CYP7B1: variants seen among roughly 807,000 people sequenced by gnomAD.
CYP7B1 encodes cytochrome P450 7B1.
Under a neutral mutation model 42.7 loss-of-function variants are expected in CYP7B1, and 29 were observed. The observed-to-expected ratio is 0.68, with a 90% confidence interval of 0.51 to 0.93. The LOEUF (loss-of-function observed/expected upper bound fraction) is 0.93. Ranked by LOEUF, CYP7B1 falls within the 40% of genes least tolerant of loss-of-function variation. The probability of loss-of-function intolerance (pLI) is 0.00; values close to 1 mark genes in which losing one functional copy is unlikely to be tolerated. For synonymous variants in CYP7B1, 235 were observed against 218.2 expected, an observed-to-expected ratio of 1.08 and a Z score of -0.68; for missense variants, 655 against 600.5, an observed-to-expected ratio of 1.09 and a Z score of -0.95.
chr8:64,599,434 G>A (rs567746837), intron 5 of CYP7B1, among the ~76,000 whole-genome samples: 5 of 152,186 alleles, frequency 3.3e-5, no homozygotes, highest in Admixed American at 6.5e-5. Flanking sequence ...GTGATCCGCC[G>A]GCCTCGGCCT....
chr8:64,633,944 C>T (rs1038483199), intron 1 of CYP7B1, among the ~76,000 whole-genome samples: 3 of 152,086 alleles, frequency 2.0e-5, no homozygotes, highest in Non-Finnish European at 4.4e-5. Flanking sequence ...TAGAAATTGA[C>T]CCACACAAAT....
At chr8:64,678,123 C>T (rs1340322905) in intron 1 of CYP7B1, among the ~76,000 whole-genome samples, 2 of 152,060 alleles carry the variant, frequency 1.3e-5, no homozygotes, top group Admixed American at 1.3e-4. Flanking sequence ...TCCATTTCAC[C>T]CCAACTTGTC....
chr8:64,596,555 T>A lies in CYP7B1; in HGVS notation c.*87A>T. 1.5e-6 allele frequency: 2 copies of A among 1,313,352 alleles called. No homozygotes were observed. Among genetic ancestry groups the A allele is most frequent in the Non-Finnish European group, 2.1e-6 (2 of 948,866 alleles). The allele number at this position is 1,313,352 out of a possible 1,614,324, so 81.4% of individuals were successfully genotyped here. A position where few individuals can be genotyped will look rare whatever the true frequency, so the allele number is the denominator to read the frequency against. ...GCGCTTTTTAAACAAATAAATCAAT[T>A]ACATTTGCAGAAATTAAAAAGAAAT... On this transcript the variant is annotated 3_prime_UTR_variant, in exon 6 of 6. Coordinates refer to ENST00000310193, the MANE Select transcript of CYP7B1 (RefSeq NM_004820.5).
chr8:64,640,764 T>C (rs924986229), intron 1 of CYP7B1, among the ~76,000 whole-genome samples: 1 of 152,134 alleles, frequency 6.6e-6, no homozygotes, highest in Non-Finnish European at 1.5e-5. Context: ...CACAATCCAA[T>C]GATTGTGACA....
At chr8:64,651,674 A>G (rs1267403642) in intron 1 of CYP7B1, among the ~76,000 whole-genome samples, 2 of 152,182 alleles carry the variant, frequency 1.3e-5, no homozygotes, top group East Asian at 3.9e-4. Flanking sequence ...TTGCTCTTAT[A>G]AAAGAGACCT....
chr8:64,623,201 G>A (rs1805557388), intron 2 of CYP7B1, among the ~76,000 whole-genome samples: 1 of 152,200 alleles, frequency 6.6e-6, no homozygotes, highest in Non-Finnish European at 1.5e-5. Flanking sequence ...CTTCCAGGAA[G>A]AGGTGGAGTC....
At chr8:64,708,456 G>A (rs1807031645) in intron 1 of CYP7B1, among the ~76,000 whole-genome samples, 1 of 152,098 alleles carries the variant, frequency 6.6e-6, no homozygotes, top group Non-Finnish European at 1.5e-5. Context: ...AAGGAAAGAA[G>A]TCATCCAAGA....
chr8:64,743,542 G>T (rs1807599781), intron 1 of CYP7B1, among the ~76,000 whole-genome samples: 1 of 152,132 alleles, frequency 6.6e-6, no homozygotes, highest in African/African-American at 2.4e-5. Flanking sequence ...TGTCAACAGG[G>T]TTGACTTCTT....
At chr8:64,600,732 C>G (rs1463952444) in intron 5 of CYP7B1, among the ~76,000 whole-genome samples, 1 of 152,106 alleles carries the variant, frequency 6.6e-6, no homozygotes, top group Non-Finnish European at 1.5e-5. Context: ...GTAGTTTATA[C>G]TACGAAAATT....
At position 64,591,732 on chromosome 8, in the gene CYP7B1, C is replaced by CTTA. The variant is rs1805035743; in HGVS notation, c.*4907_*4909dup. Among the ~76,000 whole-genome samples the CTTA allele has an allele frequency of 6.6e-6, 1 of 152,128 alleles. No homozygotes were observed. Among genetic ancestry groups the CTTA allele is most frequent in the Non-Finnish European group, 1.5e-5 (1 of 68,024 alleles). On this transcript the variant is annotated 3_prime_UTR_variant, in exon 6 of 6. Transcript: ENST00000310193. ...CAGATAAAAGTTTTCTTCTAGGTTG[C>CTTA]TTATAAGCATGCCTGATTTAGTGAT...
intron 1 of CYP7B1, among the ~76,000 whole-genome samples, chr8:64,774,613 T>C (rs1804290353): frequency 1.3e-5 from 2 of 152,132 alleles, no homozygotes; most frequent in South Asian, 2.1e-4. Flanking sequence ...AGTGTGAACA[T>C]TGGGAGAGGG....
chr8:64,599,345 C>A (rs1309086480), intron 5 of CYP7B1, among the ~76,000 whole-genome samples: 2 of 152,190 alleles, frequency 1.3e-5, no homozygotes, highest in East Asian at 1.9e-4. Flanking sequence ...CCCACCACCA[C>A]GCCCGGCTAA....
intron 1 of CYP7B1, among the ~76,000 whole-genome samples, chr8:64,723,192 A>G (rs1807272007): frequency 6.6e-6 from 1 of 152,196 alleles, no homozygotes; most frequent in African/African-American, 2.4e-5. Context: ...TGCTCCAGTG[A>G]CACATTCCAT....
chr8:64,793,160 C>G (rs189213281), intron 1 of CYP7B1, among the ~76,000 whole-genome samples: 406 of 152,236 alleles, frequency 2.7e-3, no homozygotes, highest in African/African-American at 9.3e-3. Context: ...TCACTAAGGT[C>G]TATTTTGGGT....
chr8:64,692,823 G>A (rs1021267847), intron 1 of CYP7B1, among the ~76,000 whole-genome samples: 17 of 152,210 alleles, frequency 1.1e-4, no homozygotes, highest in African/African-American at 3.9e-4. Flanking sequence ...ATGTATGTAT[G>A]AATGAATGAG....
intron 2 of CYP7B1, among the ~76,000 whole-genome samples, chr8:64,623,157 A>T (rs757088030): frequency 1.3e-5 from 2 of 152,228 alleles, no homozygotes; most frequent in Non-Finnish European, 2.9e-5. Flanking sequence ...CCATCTCTCT[A>T]CATGTGCCCC....
chr8:64,726,252 T>C (rs1807323104), intron 1 of CYP7B1, among the ~76,000 whole-genome samples: 1 of 152,212 alleles, frequency 6.6e-6, no homozygotes, highest in Middle Eastern at 3.2e-3. Context: ...GTTTCAGAAG[T>C]GACTTAAAAT....
intron 1 of CYP7B1, among the ~76,000 whole-genome samples, chr8:64,645,618 C>G (rs1473240368): frequency 1.3e-5 from 2 of 152,174 alleles, no homozygotes; most frequent in African/African-American, 2.4e-5. Flanking sequence ...AATGGCCATA[C>G]TGCCCAAGGT....
intron 1 of CYP7B1, among the ~76,000 whole-genome samples, chr8:64,651,044 C>T (rs574458450): frequency 2.0e-5 from 3 of 152,254 alleles, no homozygotes; most frequent in South Asian, 2.1e-4. Context: ...TGGGGGAAGA[C>T]GGAGATGAGG....
Sources: allele counts gnomAD v4.1 joint callset (sites outside exome capture counted in the v4.1 genomes callset), GRCh38; gene constraint gnomAD v4.1.1; transcripts MANE v1.5; gene names NCBI Gene and HGNC (gene_info 2026-07-23, HGNC 2026-07-21).